Variants in HACL1 observed in about 807,000 individuals in gnomAD.
HACL1 encodes 1600020H07Rik.
In HACL1, 64 loss-of-function variants were observed where a neutral mutation model predicts 74.2. The observed-to-expected ratio is 0.86, with a 90% CI of 0.70 to 1.06. The LOEUF is 1.06. HACL1 is among the 50% of genes least tolerant of loss of function. The probability of loss-of-function intolerance (pLI) is 0.00; values close to 1 mark genes in which losing one functional copy is unlikely to be tolerated. For synonymous variants in HACL1, 230 were observed against 238.8 expected, an observed-to-expected ratio of 0.96 and a Z score of 0.34; for missense variants, 728 against 719.7, an observed-to-expected ratio of 1.01 and a Z score of -0.13.
intron 9 of HACL1, 62 bp downstream of exon 9, chr3:15,579,848 A>G: frequency 8.3e-7 from 1 of 1,205,456 alleles, no homozygotes. Context: ...AGATCACAAA[A>G]TAATTTAAAT....
rs2064244217 is a variant in HACL1, at chr3:15,601,565, C to T, written c.-102G>A. On this transcript the variant is annotated 5_prime_UTR_variant, in exon 1 of 17. In the 5' UTR this introduces an upstream ATG that the reference lacks. Coordinates refer to ENST00000321169, the MANE Select transcript of HACL1 (RefSeq NM_012260.4). Reference sequence around the variant, plus strand: ...GCAGCACGCCACCTCTGGTACTGCACCTCTGACGGACAGGAGGGCAACCAA... The same window carrying T: ...GCAGCACGCCACCTCTGGTACTGCATCTCTGACGGACAGGAGGGCAACCAA... 1 of 1,600,868 alleles carries T rather than the reference C, an allele frequency of 6.2e-7. No individual in the cohort carries two copies. Among genetic ancestry groups the T allele is most frequent in the Non-Finnish European group, 8.5e-7 (1 of 1,177,690 alleles).
At chr3:15,565,166 G>GAA (rs992716736) in intron 14 of HACL1, among the ~76,000 whole-genome samples, 16 of 123,640 alleles carry the variant, frequency 1.3e-4, no homozygotes, top group South Asian at 2.5e-4. Flanking sequence ...CTCCATCTCA[G>GAA]AAAAAAAAAA....
At chr3:15,601,299 C>T in intron 1 of HACL1, 84 bp downstream of exon 1, 3 of 1,589,034 alleles carry the variant, frequency 1.9e-6, no homozygotes, top group Non-Finnish European at 2.6e-6. Context: ...ACCCCCATCG[C>T]CCATTTCTAC....
intron 4 of HACL1, among the ~76,000 whole-genome samples, chr3:15,591,035 T>G (rs1311693221): frequency 6.6e-6 from 1 of 152,162 alleles, no homozygotes; most frequent in Non-Finnish European, 1.5e-5. Flanking sequence ...GTGCCAAGAT[T>G]GCACCACTGC....
intron 13 of HACL1, 126 bp downstream of exon 13, chr3:15,568,306 A>G: frequency 1.5e-6 from 1 of 673,808 alleles, no homozygotes; most frequent in Admixed American, 2.9e-5. Context: ...GGATACTTTT[A>G]TGAAATATGT....
chr3:15,596,059 C>G, intron 3 of HACL1: 1 of 225,470 alleles, frequency 4.4e-6, no homozygotes, highest in Non-Finnish European at 8.7e-6. Context: ...TGGAACAGCT[C>G]TCAACAGTCA....
intron 7 of HACL1, among the ~76,000 whole-genome samples, chr3:15,584,914 C>T (rs1388050024): frequency 4.6e-5 from 7 of 152,056 alleles, no homozygotes; most frequent in Non-Finnish European, 8.8e-5. Context: ...TTTTAATAAT[C>T]ACCCAACCTC....
At chr3:15,580,698 G>A (rs1260038548) in intron 8 of HACL1, among the ~76,000 whole-genome samples, 2 of 152,148 alleles carry the variant, frequency 1.3e-5, no homozygotes, top group Non-Finnish European at 2.9e-5. Flanking sequence ...GGTGGCCAGG[G>A]AAAAATGTTG....
intron 6 of HACL1, 110 bp from the exon 7 acceptor site, chr3:15,585,452 T>A (rs2063778531): frequency 6.0e-6 from 4 of 666,484 alleles, no homozygotes; most frequent in Non-Finnish European, 8.0e-6. Flanking sequence ...TTTCTGGACA[T>A]CCTTGTGGAG....
intron 9 of HACL1, 27 bp downstream of exon 9, chr3:15,579,883 G>C (rs748242215): frequency 2.0e-6 from 3 of 1,495,658 alleles, no homozygotes; most frequent in Non-Finnish European, 2.7e-6. Flanking sequence ...CCAAGCCATT[G>C]TATTTAAAAT....
rs903338908 is a variant in HACL1, at chr3:15,568,096, G to A, written c.1251-94C>T. On this transcript the variant is annotated intron_variant, in intron 13 of 16. Coordinates refer to ENST00000321169, the MANE Select transcript of HACL1 (RefSeq NM_012260.4). ...TTCTAGTCATATTTACATGGTTGAT[G>A]GAAAAATGAAGAACCATAAAAACAT... is the stretch of plus-strand genomic sequence containing the variant. 2.0e-5 allele frequency: 20 copies of A among 1,014,630 alleles called. No homozygotes were observed. The Admixed American group carries it at 2.0e-4, about 10-fold the overall frequency. The allele number at this position is 1,014,630 out of a possible 1,614,324, so 62.9% of individuals were successfully genotyped here.
At chr3:15,600,442 C>A (rs568081232) in intron 2 of HACL1, among the ~76,000 whole-genome samples, 1 of 152,362 alleles carries the variant, frequency 6.6e-6, no homozygotes, top group African/African-American at 2.4e-5. Context: ...GCAGAGGATG[C>A]ACTTAAAGTG....
chr3:15,571,776 A>G lies in HACL1; in HGVS notation c.994-7T>C. ...TATCAAGTTCCTCTAAAAGCTTAAAAAAAAAAAAACACACACACACAAACA... is the reference window on the plus strand; with the variant it reads ...TATCAAGTTCCTCTAAAAGCTTAAAGAAAAAAAAACACACACACACAAACA... On this transcript the variant is annotated splice_polypyrimidine_tract_variant and splice_region_variant and intron_variant, in intron 11 of 16. Coordinates refer to ENST00000321169, the MANE Select transcript of HACL1 (RefSeq NM_012260.4). 9.8e-7 allele frequency: 1 copy of G among 1,018,616 alleles called. No individual in the cohort carries two copies. Among genetic ancestry groups the G allele is most frequent in the Non-Finnish European group, 1.5e-6 (1 of 666,704 alleles). The allele number at this position is 1,018,616 out of a possible 1,614,324, so 63.1% of individuals were successfully genotyped here. A position where few individuals can be genotyped will look rare whatever the true frequency, so the allele number is the denominator to read the frequency against.
intron 2 of HACL1, among the ~76,000 whole-genome samples, chr3:15,597,501 T>G (rs1374048915): frequency 6.6e-6 from 1 of 151,988 alleles, no homozygotes; most frequent in Non-Finnish European, 1.5e-5. Flanking sequence ...TGGGACATCA[T>G]TTTTTTCCCA....
intron 3 of HACL1, among the ~76,000 whole-genome samples, chr3:15,591,908 A>ACG: frequency 6.6e-6 from 1 of 150,688 alleles, no homozygotes; most frequent in African/African-American, 2.4e-5. Context: ...TACACTATAT[A>ACG]TGTATATAGT....
Position 15,584,902 on chromosome 3 carries a change from C to G in HACL1, c.554+346G>C, listed in dbSNP as rs2063768507. Among the ~76,000 whole-genome samples the G allele has an allele frequency of 2.0e-5, 3 of 152,162 alleles. No individual in the cohort carries two copies. The South Asian group carries it at 6.2e-4, about 32-fold the overall frequency. On this transcript the variant is annotated intron_variant, in intron 7 of 16. Coordinates refer to ENST00000321169, the MANE Select transcript of HACL1 (RefSeq NM_012260.4). ...ATGTTTTTTATCCTGAGTCCTAATA[C>G]TTTTTAATAATCACCCAACCTCTTG... is the stretch of plus-strand genomic sequence containing the variant.
At chr3:15,581,357 G>A (rs950160724) in intron 8 of HACL1, among the ~76,000 whole-genome samples, 1 of 152,020 alleles carries the variant, frequency 6.6e-6, no homozygotes, top group African/African-American at 2.4e-5. Flanking sequence ...TTCAAGGCTA[G>A]TATATTATTC....
chr3:15,584,151 G>A lies in HACL1; in HGVS notation c.554+1097C>T, dbSNP rs895664139. ...AAATATTTAGACATATAATAAAAAAGGACAATCTGTATAAAATTTAGAAGA... is the reference window on the plus strand; with the variant it reads ...AAATATTTAGACATATAATAAAAAAAGACAATCTGTATAAAATTTAGAAGA... On this transcript the variant is annotated intron_variant, in intron 7 of 16. Transcript: ENST00000321169. 2.6e-5 allele frequency among the ~76,000 whole-genome samples: 4 copies of A among 152,092 alleles called. No homozygotes were observed. The South Asian group carries it at 8.3e-4, about 32-fold the overall frequency.
At position 15,568,477 on chromosome 3, in the gene HACL1, A is replaced by G. The variant is rs1300295067; in HGVS notation, c.1205T>C (p.Met402Thr). 1.1e-5 allele frequency: 17 copies of G among 1,607,174 alleles called. No individual in the cohort carries two copies. Among genetic ancestry groups the G allele is most frequent in the East Asian group, 2.2e-5 (1 of 44,846 alleles). The change falls in exon 13 of 17, where the codon ATG (methionine) becomes ACG (threonine). Residue 402 changes from methionine to threonine, a missense_variant. Met to Thr is a moderately conservative substitution (Grantham distance 81). Coordinates refer to ENST00000321169, the MANE Select transcript of HACL1 (RefSeq NM_012260.4). ...CTGAAGCACAGTCCGTCCAATGTCCATAGTATTTGCTCCTTCACTTACCAC... is the reference window on the plus strand; with the variant it reads ...CTGAAGCACAGTCCGTCCAATGTCCGTAGTATTTGCTCCTTCACTTACCAC... ...CFVVSEGANT[M>T]DIGRTVLQNY...
Sources: allele counts gnomAD v4.1 joint callset (sites outside exome capture counted in the v4.1 genomes callset), GRCh38; gene constraint gnomAD v4.1.1; transcripts MANE v1.5; gene names NCBI Gene and HGNC (gene_info 2026-07-23, HGNC 2026-07-21).